SCN2A: variants seen among roughly 807,000 people sequenced by gnomAD.
SCN2A encodes the protein sodium voltage-gated channel alpha subunit 2.
SCN2A carries 20 observed loss-of-function variants against 188.7 expected under a neutral mutation model. That is an observed-to-expected ratio of 0.11 (90% CI 0.07 to 0.15). The LOEUF (loss-of-function observed/expected upper bound fraction) is 0.15. SCN2A is among the 10% of genes least tolerant of loss of function. The pLI is 1.00. For synonymous variants in SCN2A, 804 were observed against 833.1 expected (o/e 0.97, Z 0.60); for missense variants, 1,278 against 2,445.0 (o/e 0.52, Z 10.07).
intron 12 of SCN2A, among the ~76,000 whole-genome samples, chr2:165,324,735 A>C (rs779127361): frequency 8.5e-5 from 13 of 152,196 alleles, no homozygotes; most frequent in Non-Finnish European, 1.3e-4. Context: ...ACAGAGGAGG[A>C]AACTGAGGCT....
At chr2:165,309,507 G>A (rs528200849) in intron 6 of SCN2A, 64 bp downstream of exon 6, 367 of 1,591,118 alleles carry the variant, frequency 2.3e-4, no homozygotes, top group Non-Finnish European at 2.4e-4. Context: ...CACAGCTTTT[G>A]TGCAGAAGCC....
chr2:165,378,035 A>T (rs2105379400), intron 23 of SCN2A, among the ~76,000 whole-genome samples: 1 of 151,836 alleles, frequency 6.6e-6, no homozygotes, highest in East Asian at 1.9e-4. Flanking sequence ...TTATAATAGG[A>T]AGGATATGAC....
intron 11 of SCN2A, among the ~76,000 whole-genome samples, chr2:165,317,744 A>AAGC (rs1189816176): frequency 1.3e-5 from 2 of 152,124 alleles, no homozygotes; most frequent in Non-Finnish European, 2.9e-5. Context: ...TGGGTATTAT[A>AAGC]AGCAATCACT....
At chr2:165,293,372 TGTGTACCTCATAGA>T (rs912258352) in intron 1 of SCN2A, among the ~76,000 whole-genome samples, 1 of 152,216 alleles carries the variant, frequency 6.6e-6, no homozygotes, top group African/African-American at 2.4e-5. Flanking sequence ...TTTGTCATTG[TGTGTACCTCATAGA>T]GTGTACGTAA....
intron 1 of SCN2A, among the ~76,000 whole-genome samples, chr2:165,275,813 C>A (rs1330162631): frequency 6.6e-6 from 1 of 151,852 alleles, no homozygotes; most frequent in East Asian, 1.9e-4. Context: ...CGGCTCACTG[C>A]AACCTCCGCC....
intron 1 of SCN2A, chr2:165,285,910 C>A (rs1380681540): frequency 8.9e-6 from 2 of 225,268 alleles, no homozygotes; most frequent in Non-Finnish European, 1.8e-5. Context: ...AGCTAAGGAA[C>A]AATGAATTGA....
chr2:165,354,650 A>G lies in SCN2A; in HGVS notation c.3378A>G (p.Ser1126=). 1 of 1,613,862 alleles carries G rather than the reference A, an allele frequency of 6.2e-7. No individual in the cohort carries two copies. Among genetic ancestry groups the G allele is most frequent in the Non-Finnish European group, 8.5e-7 (1 of 1,179,942 alleles). Residue 1126 remains serine, a synonymous_variant, in exon 17 of 27, where the codon TCA becomes TCG. Coordinates refer to ENST00000375437, the MANE Select transcript of SCN2A (RefSeq NM_001040142.2). ...ATACTGAAGAATTCAGCAGCGAGTC[A>G]GATATGGAGGAAAGCAAAGAGGTAA... is the stretch of plus-strand genomic sequence containing the variant. ...NLNTEEFSSE[S]DMEESKEKLN...
chr2:165,376,145 T>A (rs911092756), intron 22 of SCN2A, among the ~76,000 whole-genome samples: 3 of 151,822 alleles, frequency 2.0e-5, no homozygotes, highest in African/African-American at 7.3e-5. Flanking sequence ...CTATAGTTAA[T>A]AATAATATAT....
intron 16 of SCN2A, among the ~76,000 whole-genome samples, chr2:165,348,445 G>A (rs1228657319): frequency 6.6e-6 from 1 of 151,476 alleles, no homozygotes; most frequent in Non-Finnish European, 1.5e-5. Context: ...GATAGAGAAA[G>A]GGGAAGGGAA....
At chr2:165,329,351 G>A (rs1415591526) in intron 13 of SCN2A, among the ~76,000 whole-genome samples, 1 of 152,152 alleles carries the variant, frequency 6.6e-6, no homozygotes, top group African/African-American at 2.4e-5. Flanking sequence ...GAAGAATCAA[G>A]GTGAGCCAGC....
intron 11 of SCN2A, among the ~76,000 whole-genome samples, chr2:165,321,425 C>T (rs1698070273): frequency 6.6e-6 from 1 of 152,188 alleles, no homozygotes; most frequent in African/African-American, 2.4e-5. Flanking sequence ...TTTTGGGTAT[C>T]TTTTCAGCAG....
intron 23 of SCN2A, among the ~76,000 whole-genome samples, chr2:165,380,300 T>C (rs1701533340): frequency 6.6e-6 from 1 of 151,828 alleles, no homozygotes; most frequent in Admixed American, 6.6e-5. Flanking sequence ...GCATGCTGTG[T>C]TGGGAACTTT....
At chr2:165,379,189 A>G (rs577706468) in intron 23 of SCN2A, among the ~76,000 whole-genome samples, 2 of 151,756 alleles carry the variant, frequency 1.3e-5, no homozygotes, top group Non-Finnish European at 3.0e-5. Flanking sequence ...CTTGCAAAAA[A>G]CTGGGAGCAA....
intron 13 of SCN2A, 156 bp downstream of exon 13, chr2:165,327,140 T>C: frequency 2.1e-6 from 2 of 936,172 alleles, no homozygotes; most frequent in Non-Finnish European, 3.2e-6. Context: ...TCATGGATTC[T>C]ATTATCTTCC....
intron 11 of SCN2A, among the ~76,000 whole-genome samples, chr2:165,321,812 G>A (rs1386262833): frequency 1.3e-5 from 2 of 152,114 alleles, no homozygotes; most frequent in Non-Finnish European, 2.9e-5. Flanking sequence ...AGATCTGGGT[G>A]GGGACACAGC....
chr2:165,291,601 T>TCTCTCTCTCTCTCTCTC lies in SCN2A; in HGVS notation c.-51-4172_-51-4171insCTCTCTCTCTCTCTCTC, dbSNP rs1559340877. ...TCTCTCTCTCTCTCTCTCTCTCTCT[T>TCTCTCTCTCTCTCTCTC]TCTTTCTTTGTCTTGCTCTATCTCC... On this transcript the variant is annotated intron_variant, in intron 1 of 26. Coordinates refer to ENST00000375437, the MANE Select transcript of SCN2A (RefSeq NM_001040142.2). Among the ~76,000 whole-genome samples, 19 of 86,714 alleles carry TCTCTCTCTCTCTCTCTC rather than the reference T, an allele frequency of 2.2e-4. 1 individual carries two copies. The highest frequency in any genetic ancestry group is 5.4e-4 in the African/African-American group (15 of 27,564). 56.9% of individuals were successfully genotyped at this position (86,714 alleles called of 152,430 possible).
chr2:165,299,878 T>C (rs887514274), intron 3 of SCN2A, among the ~76,000 whole-genome samples: 3 of 152,224 alleles, frequency 2.0e-5, no homozygotes, highest in Non-Finnish European at 4.4e-5. Flanking sequence ...TTAAATAAGT[T>C]TTTATTTTAA....
intron 1 of SCN2A, chr2:165,293,921 T>G: frequency 6.1e-6 from 6 of 982,576 alleles, no homozygotes; most frequent in Non-Finnish European, 7.2e-6. Flanking sequence ...ATAATGCCAT[T>G]TTGTAGTCCC....
intron 1 of SCN2A, among the ~76,000 whole-genome samples, chr2:165,264,414 T>C (rs977817437): frequency 6.6e-5 from 10 of 152,136 alleles, no homozygotes; most frequent in Admixed American, 5.2e-4. Context: ...TTTATGATTA[T>C]AACCCTCAAC....
Sources: gnomAD v4.1 joint callset for allele counts (sites outside exome capture counted in the v4.1 genomes callset) on GRCh38, gnomAD v4.1.1 for gene constraint, MANE v1.5 for transcripts, NCBI Gene and HGNC (gene_info 2026-07-23, HGNC 2026-07-21) for gene names.